Variants in GRIN2A observed in about 807,000 individuals in gnomAD.
The protein encoded by GRIN2A is glutamate receptor ionotropic, NMDA 2A.
GRIN2A carries 22 observed loss-of-function variants against 113.4 expected under a neutral mutation model. That is an observed-to-expected ratio of 0.19 (90% CI 0.14 to 0.28). GRIN2A has a LOEUF of 0.28. Among genes scored for constraint, GRIN2A ranks in the 10% least tolerant of loss-of-function variants. GRIN2A has a pLI of 1.00. For missense variants in GRIN2A, 1,502 were observed against 1,887.0 expected (o/e 0.80, Z 3.78); for synonymous variants, 827 against 738.4 (o/e 1.12, Z -1.94).
chr16:10,058,071 G>A (rs1443443683), intron 2 of GRIN2A, among the ~76,000 whole-genome samples: 3 of 152,004 alleles, frequency 2.0e-5, no homozygotes, highest in African/African-American at 4.8e-5. Flanking sequence ...CCTGACCAAC[G>A]TGTTGAAACC....
intron 8 of GRIN2A, among the ~76,000 whole-genome samples, 186 bp downstream of exon 8, chr16:9,833,919 A>G (rs770070461): frequency 2.0e-5 from 3 of 152,130 alleles, no homozygotes; most frequent in Non-Finnish European, 4.4e-5. Flanking sequence ...GGGTTTCACC[A>G]TATTGGTCAG....
intron 2 of GRIN2A, among the ~76,000 whole-genome samples, chr16:10,117,616 G>A (rs577683517): frequency 1.3e-4 from 20 of 152,270 alleles, no homozygotes; most frequent in African/African-American, 4.8e-4. Flanking sequence ...TCCCCGAACT[G>A]TTCACAGGGA....
chr16:10,040,360 T>C (rs535623785), intron 2 of GRIN2A, among the ~76,000 whole-genome samples: 1 of 147,796 alleles, frequency 6.8e-6, no homozygotes, highest in Non-Finnish European at 1.5e-5. Flanking sequence ...GGACTCACAA[T>C]GTACAAACAC....
chr16:10,026,773 T>C (rs1432853611), intron 2 of GRIN2A, among the ~76,000 whole-genome samples: 2 of 152,122 alleles, frequency 1.3e-5, no homozygotes, highest in Admixed American at 1.3e-4. Flanking sequence ...CCAGGTCTGC[T>C]TTTCTCTCAC....
chr16:9,983,308 G>T (rs1199615602), intron 2 of GRIN2A, among the ~76,000 whole-genome samples: 2 of 152,110 alleles, frequency 1.3e-5, no homozygotes, highest in Non-Finnish European at 2.9e-5. Flanking sequence ...ACTTCCATGA[G>T]ATCAATGCTT....
chr16:9,818,170 T>G (rs1488048910), intron 10 of GRIN2A, among the ~76,000 whole-genome samples: 1 of 151,702 alleles, frequency 6.6e-6, no homozygotes, highest in Non-Finnish European at 1.5e-5. Context: ...TGTGGTGACG[T>G]GGACACCTGA....
intron 12 of GRIN2A, among the ~76,000 whole-genome samples, chr16:9,765,715 T>G (rs2141140464): frequency 6.6e-6 from 1 of 152,312 alleles, no homozygotes; most frequent in South Asian, 2.1e-4. Flanking sequence ...TTGAACTTTT[T>G]TACTTAATCG....
rs571678945 is a variant in GRIN2A at position 10,177,060 on chromosome 16, G to A, written c.414+2938C>T. Among the ~76,000 whole-genome samples, 22 of 152,284 alleles carry A rather than the reference G, an allele frequency of 1.4e-4. No homozygotes were observed. In the South Asian group the frequency reaches 4.4e-3, roughly 30 times the overall value. ...TTGTCAATCTAGGAAGGTTGAGGCT[G>A]TAGTCATAATACCATTTGCAAGCGA... On this transcript the variant is annotated intron_variant, in intron 2 of 12. Transcript: ENST00000330684.
intron 3 of GRIN2A, among the ~76,000 whole-genome samples, chr16:9,896,210 C>T (rs536837395): frequency 2.0e-5 from 3 of 152,060 alleles, no homozygotes; most frequent in Non-Finnish European, 2.9e-5. Context: ...CCACCACTCC[C>T]GGCTAATTCT....
chr16:9,983,863 G>A (rs980166321), intron 2 of GRIN2A, among the ~76,000 whole-genome samples: 2 of 152,180 alleles, frequency 1.3e-5, no homozygotes, highest in Non-Finnish European at 2.9e-5. Context: ...CAATAAACAT[G>A]GCAGTGGGTA....
chr16:9,872,811 C>G (rs759046320), intron 4 of GRIN2A, among the ~76,000 whole-genome samples: 3 of 152,040 alleles, frequency 2.0e-5, no homozygotes, highest in Non-Finnish European at 2.9e-5. Flanking sequence ...GGGGGAATCA[C>G]CTGAGCTCAG....
intron 2 of GRIN2A, among the ~76,000 whole-genome samples, chr16:9,990,864 T>C (rs1489856688): frequency 6.6e-6 from 1 of 152,014 alleles, no homozygotes; most frequent in South Asian, 2.1e-4. Flanking sequence ...GTCAGGAGTT[T>C]GAGACCAGCC....
chr16:9,824,926 C>T (rs537161153), intron 9 of GRIN2A, among the ~76,000 whole-genome samples: 52 of 152,258 alleles, frequency 3.4e-4, no homozygotes, highest in Non-Finnish European at 4.3e-4. Flanking sequence ...CCAGGACACA[C>T]TCCGTGCTTG....
chr16:10,101,919 G>A (rs1011422863), intron 2 of GRIN2A, among the ~76,000 whole-genome samples: 27 of 152,148 alleles, frequency 1.8e-4, no homozygotes, highest in African/African-American at 6.5e-4. Flanking sequence ...CTAGAACATC[G>A]AGCCACTTTT....
At position 10,020,567 on chromosome 16, in the gene GRIN2A, T is replaced by C. The variant is rs146065122; in HGVS notation, c.415-82016A>G. ...AAATATAGAATTAGAATTTTCCACA[T>C]TGAGTTTCTGAAAAACTAAGGAGAA... On this transcript the variant is annotated intron_variant, in intron 2 of 12. Transcript: ENST00000330684. Among the ~76,000 whole-genome samples, 229 of 152,294 alleles carry C rather than the reference T, an allele frequency of 1.5e-3. 3 individuals carry two copies. The highest frequency in any genetic ancestry group is 5.4e-3 in the African/African-American group (224 of 41,534).
intron 10 of GRIN2A, among the ~76,000 whole-genome samples, chr16:9,806,383 AC>A (rs1329772041): frequency 6.6e-6 from 1 of 152,136 alleles, no homozygotes; most frequent in Non-Finnish European, 1.5e-5. Context: ...ACCAAATTTC[AC>A]CCTGTGTGCT....
At chr16:9,989,606 T>C (rs576581489) in intron 2 of GRIN2A, among the ~76,000 whole-genome samples, 1 of 151,950 alleles carries the variant, frequency 6.6e-6, no homozygotes, top group East Asian at 1.9e-4. Flanking sequence ...ATAGACAACC[T>C]ACAGAATGGG....
In GRIN2A at chr16:9,946,076, C is replaced by A. The variant is rs115829231; in HGVS notation, c.415-7525G>T. Reference sequence around the variant, plus strand: ...CAATATACTGTACATTAATTAGGACCACACAATGATCATTGCTCTTGAACT... The same window carrying A: ...CAATATACTGTACATTAATTAGGACAACACAATGATCATTGCTCTTGAACT... On this transcript the variant is annotated intron_variant, in intron 2 of 12. Transcript: ENST00000330684. Among the ~76,000 whole-genome samples, 404 of 152,258 alleles carry A rather than the reference C, an allele frequency of 2.7e-3. 2 individuals carry two copies. The highest frequency in any genetic ancestry group is 9.3e-3 in the African/African-American group (388 of 41,540).
At chr16:9,824,626 G>A (rs912244365) in intron 9 of GRIN2A, among the ~76,000 whole-genome samples, 1 of 152,092 alleles carries the variant, frequency 6.6e-6, no homozygotes. Flanking sequence ...AATTCAGCCT[G>A]ACACCAAGCT....
Sources: allele counts gnomAD v4.1 joint callset (sites outside exome capture counted in the v4.1 genomes callset), GRCh38; gene constraint gnomAD v4.1.1; transcripts MANE v1.5; gene names NCBI Gene and HGNC (gene_info 2026-07-23, HGNC 2026-07-21).